The following POLN variants were observed in gnomAD, a reference collection of about 807,000 sequenced individuals.
POLN encodes the protein DNA polymerase nu.
POLN carries 108 observed loss-of-function variants against 113.5 expected under a neutral mutation model. The ratio of observed to expected loss-of-function variants is 0.95; its 90% CI spans 0.81 to 1.12. The LOEUF (loss-of-function observed/expected upper bound fraction) is 1.12, where lower values mean the gene tolerates loss of function less well. Among genes scored for constraint, POLN ranks in the 50% most tolerant of loss-of-function variants. The pLI, the probability that POLN is intolerant of heterozygous loss-of-function variation, is 0.00. For missense variants in POLN, 1,097 were observed against 1,077.1 expected (o/e 1.02, Z -0.26); for synonymous variants, 386 against 391.5 (o/e 0.99, Z 0.17).
Position 2,208,406 on chromosome 4 carries a change from G to A in POLN, c.295C>T (p.Gln99Ter). 1 of 1,610,772 alleles carries A rather than the reference G, an allele frequency of 6.2e-7. No homozygotes were observed. Among genetic ancestry groups the A allele is most frequent in the Non-Finnish European group, 8.5e-7 (1 of 1,179,294 alleles). The change falls in exon 5 of 26, where the codon CAG becomes TAG. Residue 99 changes from glutamine (Q) to a stop codon, truncating the protein, a stop_gained. Coordinates refer to ENST00000511885, the MANE Select transcript of POLN (RefSeq NM_181808.4). LOFTEE classifies it high-confidence loss of function. ...TTCTGTTTTTGGTCAGCAGACAGCTGATCTGTGAGCCTGACACTGAAGGAC... is the reference window on the plus strand; with the variant it reads ...TTCTGTTTTTGGTCAGCAGACAGCTAATCTGTGAGCCTGACACTGAAGGAC... ...PQSFSVRLTD[Q>*]LSADQKQKSI...
intron 6 of POLN, among the ~76,000 whole-genome samples, chr4:2,194,408 A>G (rs552387731): frequency 6.6e-6 from 1 of 152,302 alleles, no homozygotes; most frequent in South Asian, 2.1e-4. Context: ...AGACATTTGT[A>G]GGCCTTTTGC....
At chr4:2,183,699 T>G (rs1038433418) in intron 7 of POLN, among the ~76,000 whole-genome samples, 1 of 150,864 alleles carries the variant, frequency 6.6e-6, no homozygotes, top group Non-Finnish European at 1.5e-5. Flanking sequence ...GAGTACAGGG[T>G]TTTTTTTTGG....
intron 19 of POLN, among the ~76,000 whole-genome samples, chr4:2,118,589 C>CAA (rs751586788): frequency 6.6e-5 from 10 of 152,176 alleles, no homozygotes; most frequent in African/African-American, 1.2e-4. Context: ...ACAGTTTTAC[C>CAA]AAATGTTATA....
rs533872663 is a variant in POLN at position 2,192,811 on chromosome 4, A to T, written c.1021+393T>A. Among the ~76,000 whole-genome samples, 115 of 150,318 alleles carry T rather than the reference A, an allele frequency of 7.7e-4. 1 individual carries two copies. The Middle Eastern group carries it at 0.01, about 14-fold the overall frequency. Reference sequence around the variant, plus strand: ...AGTTGGACTCCATCTCTAAAAAAATAAAAATATATATATATATTTAAAATC... The same window carrying T: ...AGTTGGACTCCATCTCTAAAAAAATTAAAATATATATATATATTTAAAATC... On this transcript the variant is annotated intron_variant, in intron 7 of 25. Transcript: ENST00000511885.
In POLN at chr4:2,075,514, A is replaced by C. The variant is rs1195114889; in HGVS notation, c.2393T>G (p.Val798Gly). The stretch of plus-strand genomic sequence containing the variant: ...CAGCAGCTCATCATGGATCTGGGCC[A>C]CCAGCCTGGCAGGGAGGGAAGGAGT... ...AASHTLTARL[V>G]AQIHDELLFE... Residue 798 changes from valine (V) to glycine (G), a missense_variant, in exon 24 of 26, where the codon GTG becomes GGG. Val to Gly is a moderately radical substitution (Grantham distance 109). Coordinates refer to ENST00000511885, the MANE Select transcript of POLN (RefSeq NM_181808.4). The C allele has an allele frequency of 1.2e-6, 2 of 1,613,136 alleles. No individual in the cohort carries two copies. Among genetic ancestry groups the C allele is most frequent in the African/African-American group, 2.7e-5 (2 of 74,944 alleles).
chr4:2,162,764 A>AT (rs1011743896), intron 13 of POLN, among the ~76,000 whole-genome samples: 83 of 147,654 alleles, frequency 5.6e-4, no homozygotes, highest in East Asian at 4.2e-3. Context: ...GCCCGATTTT[A>AT]TTTTTTTTTT....
chr4:2,143,262 G>GA (rs869219332), intron 16 of POLN, among the ~76,000 whole-genome samples: 1 of 14,710 alleles, frequency 6.8e-5, no homozygotes, highest in African/African-American at 8.6e-5. Flanking sequence ...AAATAGTAGA[G>GA]AAAATCAATG....
At chr4:2,123,640 A>AG (rs1731505532) in intron 19 of POLN, among the ~76,000 whole-genome samples, 1 of 150,616 alleles carries the variant, frequency 6.6e-6, no homozygotes, top group South Asian at 2.1e-4. Flanking sequence ...AAAAAAAAAA[A>AG]AAAAAGAAAA....
At chr4:2,106,399 T>C (rs1731067139) in intron 19 of POLN, among the ~76,000 whole-genome samples, 1 of 152,242 alleles carries the variant, frequency 6.6e-6, no homozygotes, top group Non-Finnish European at 1.5e-5. Context: ...TAGAATGTAT[T>C]GCCATGTCCT....
At chr4:2,090,471 G>A (rs1364192397) in intron 20 of POLN, 8 of 553,352 alleles carry the variant, frequency 1.4e-5, no homozygotes, top group Non-Finnish European at 2.7e-5. Flanking sequence ...TAGGCTCAAC[G>A]GAAGGTTTGT....
chr4:2,161,797 A>T (rs1732599970), intron 13 of POLN, among the ~76,000 whole-genome samples: 1 of 151,914 alleles, frequency 6.6e-6, no homozygotes, highest in Admixed American at 6.6e-5. Flanking sequence ...ACCAATCGGC[A>T]CTCTGTATCT....
At chr4:2,094,820 G>A (rs560038110) in intron 20 of POLN, among the ~76,000 whole-genome samples, 4 of 152,290 alleles carry the variant, frequency 2.6e-5, no homozygotes, top group Admixed American at 2.0e-4. Flanking sequence ...GGAGACTGTA[G>A]GGCAGCTCTT....
chr4:2,176,200 G>A (rs578172095), intron 9 of POLN, 66 bp downstream of exon 9: 57 of 1,277,532 alleles, frequency 4.5e-5, no homozygotes, highest in African/African-American at 2.4e-4. Flanking sequence ...CTGGGAGTGC[G>A]GGTGCCAATG....
chr4:2,117,001 G>A (rs550775838), intron 19 of POLN, among the ~76,000 whole-genome samples: 2 of 152,186 alleles, frequency 1.3e-5, no homozygotes, highest in Non-Finnish European at 2.9e-5. Flanking sequence ...ATACGGTAAG[G>A]ACAGCCTAAG....
intron 19 of POLN, among the ~76,000 whole-genome samples, chr4:2,102,711 G>C (rs936150701): frequency 6.6e-6 from 1 of 152,150 alleles, no homozygotes; most frequent in African/African-American, 2.4e-5. Context: ...GAAACCTGAA[G>C]AGAGGCCCAT....
intron 19 of POLN, among the ~76,000 whole-genome samples, chr4:2,113,013 T>G (rs1731233685): frequency 6.6e-6 from 1 of 151,798 alleles, no homozygotes; most frequent in Non-Finnish European, 1.5e-5. Flanking sequence ...TAGACTGGAT[T>G]AAGAAAATGT....
chr4:2,154,056 G>A (rs1304311360), intron 16 of POLN, among the ~76,000 whole-genome samples: 1 of 151,074 alleles, frequency 6.6e-6, no homozygotes, highest in African/African-American at 2.4e-5. Flanking sequence ...AAATTAGCCG[G>A]GCGTGGTGGC....
At chr4:2,148,099 T>C (rs1210962677) in intron 16 of POLN, among the ~76,000 whole-genome samples, 1 of 152,076 alleles carries the variant, frequency 6.6e-6, no homozygotes, top group East Asian at 1.9e-4. Context: ...TAATACAGTA[T>C]AACGAGCACT....
intron 3 of POLN, among the ~76,000 whole-genome samples, chr4:2,225,289 A>C (rs1357444597): frequency 6.6e-6 from 1 of 152,036 alleles, no homozygotes; most frequent in Non-Finnish European, 1.5e-5. Context: ...AATATGTAAA[A>C]AAAAATTTAA....
Sources: allele counts gnomAD v4.1 joint callset (sites outside exome capture counted in the v4.1 genomes callset), GRCh38; gene constraint gnomAD v4.1.1; transcripts MANE v1.5; gene names NCBI Gene and HGNC (gene_info 2026-07-23, HGNC 2026-07-21).